Variants in CHODL observed in about 807,000 individuals in gnomAD.
CHODL encodes the protein chondrolectin.
Under a neutral mutation model 34.5 loss-of-function variants are expected in CHODL, and 29 were observed. The ratio of observed to expected loss-of-function variants is 0.84; its 90% confidence interval spans 0.63 to 1.15. CHODL has a LOEUF of 1.15. CHODL is among the 50% of genes most tolerant of loss of function. The pLI is 0.00. For synonymous variants in CHODL, 125 were observed against 116.1 expected (o/e 1.08, Z -0.49); for missense variants, 332 against 332.5 (o/e 1.00, Z 0.01).
At chr21:17,952,471 C>A (rs765583791) in intron 1 of CHODL, among the ~76,000 whole-genome samples, 1 of 151,552 alleles carries the variant, frequency 6.6e-6, no homozygotes, top group African/African-American at 2.4e-5. Context: ...AATTACTTAC[C>A]GTTAACCAAA....
chr21:18,125,287 A>G (rs1182186744), intron 2 of CHODL, among the ~76,000 whole-genome samples: 2 of 152,248 alleles, frequency 1.3e-5, no homozygotes, highest in South Asian at 4.1e-4. Flanking sequence ...TCACCCATTC[A>G]GTAAATATTT....
chr21:18,172,528 A>G (rs2073244532), intron 2 of CHODL, among the ~76,000 whole-genome samples: 1 of 152,036 alleles, frequency 6.6e-6, no homozygotes, highest in African/African-American at 2.4e-5. Flanking sequence ...ATTAATTCAC[A>G]TTGAAATACA....
intron 2 of CHODL, among the ~76,000 whole-genome samples, chr21:18,190,196 T>C (rs1315843363): frequency 6.6e-6 from 1 of 152,174 alleles, no homozygotes; most frequent in Admixed American, 6.5e-5. Flanking sequence ...CAATGATTTT[T>C]AAAAATATGT....
chr21:17,952,288 C>G (rs1440032008), intron 1 of CHODL, among the ~76,000 whole-genome samples: 2 of 150,204 alleles, frequency 1.3e-5, no homozygotes, highest in Non-Finnish European at 3.0e-5. Context: ...TTTTTAGGTA[C>G]TTCATGATCA....
In CHODL at chr21:18,197,605, A is replaced by G. The variant is rs114134479; in HGVS notation, c.-44-58904A>G. Among the ~76,000 whole-genome samples the G allele has an allele frequency of 4.1e-3, 618 of 152,234 alleles. 5 individuals carry two copies. The highest frequency in any genetic ancestry group is 0.013 in the African/African-American group (520 of 41,546). On this transcript the variant is annotated intron_variant, in intron 2 of 6. Transcript: ENST00000400127. ...CACTCAACCTGGGTGATAGAGCTAGACTCCATCTCAAAAAACCAAACAAAA... is the reference window on the plus strand; with the variant it reads ...CACTCAACCTGGGTGATAGAGCTAGGCTCCATCTCAAAAAACCAAACAAAA...
At chr21:18,214,721 G>A (rs2073806832) in intron 2 of CHODL, among the ~76,000 whole-genome samples, 1 of 152,078 alleles carries the variant, frequency 6.6e-6, no homozygotes, top group Non-Finnish European at 1.5e-5. Flanking sequence ...CACTCTTCTA[G>A]GTACTGTTAA....
At chr21:18,038,215 A>G (rs979856349) in intron 2 of CHODL, among the ~76,000 whole-genome samples, 2 of 151,756 alleles carry the variant, frequency 1.3e-5, no homozygotes, top group Non-Finnish European at 3.0e-5. Context: ...GAAATTTGAA[A>G]TGCTAAATTG....
At chr21:18,172,030 G>A (rs2073238801) in intron 2 of CHODL, among the ~76,000 whole-genome samples, 3 of 152,164 alleles carry the variant, frequency 2.0e-5, no homozygotes, top group African/African-American at 7.2e-5. Context: ...AGAAGATAGG[G>A]ACTTTCCATG....
intron 2 of CHODL, among the ~76,000 whole-genome samples, chr21:18,199,240 G>A (rs2824705): frequency 0.59 from 89,365 of 151,892 alleles, 28,280 homozygotes; most frequent in East Asian, 0.86. Context: ...ATAATCCACA[G>A]TAACTTTTAA....
At chr21:17,934,570 C>A (rs2063304325) in intron 1 of CHODL, among the ~76,000 whole-genome samples, 1 of 152,060 alleles carries the variant, frequency 6.6e-6, no homozygotes, top group Non-Finnish European at 1.5e-5. Context: ...TTTGTTTTCT[C>A]TCTGTGTCTT....
intron 2 of CHODL, among the ~76,000 whole-genome samples, chr21:18,072,888 A>G (rs897783701): frequency 2.6e-5 from 4 of 152,172 alleles, no homozygotes; most frequent in African/African-American, 9.6e-5. Flanking sequence ...AAACTATTTT[A>G]TATTAGAGTT....
intron 1 of CHODL, among the ~76,000 whole-genome samples, chr21:17,961,471 C>T (rs1045893500): frequency 7.9e-5 from 12 of 152,194 alleles, no homozygotes; most frequent in Admixed American, 7.9e-4. Flanking sequence ...TATTTAAAAT[C>T]TTTTCAGAGG....
chr21:18,262,614 T>A (rs1392065786), intron 4 of CHODL, among the ~76,000 whole-genome samples, 177 bp from the exon 5 acceptor site: 1 of 152,260 alleles, frequency 6.6e-6, no homozygotes, highest in Non-Finnish European at 1.5e-5. Flanking sequence ...GAAATGTCAC[T>A]ATGTGGTGCA....
chr21:18,009,366 T>C (rs1016681609), intron 1 of CHODL, among the ~76,000 whole-genome samples: 10 of 152,192 alleles, frequency 6.6e-5, no homozygotes, highest in African/African-American at 1.7e-4. Context: ...AAATACACTT[T>C]CTTTTCTGAA....
chr21:18,181,352 C>T (rs187877836), intron 2 of CHODL, among the ~76,000 whole-genome samples: 14 of 152,328 alleles, frequency 9.2e-5, no homozygotes, highest in Admixed American at 8.5e-4. Flanking sequence ...TAGAGCATTA[C>T]AGTGCATACA....
Position 18,232,942 on chromosome 21 carries a change from G to GATATATATATATAT in CHODL, c.-44-23550_-44-23537dup, listed in dbSNP as rs371388519. Among the ~76,000 whole-genome samples, 591 of 119,252 alleles carry GATATATATATATAT rather than the reference G, an allele frequency of 5.0e-3. 12 individuals are homozygous for GATATATATATATAT. The highest frequency in any genetic ancestry group is 0.019 in the African/African-American group (519 of 27,046). 78.2% of individuals were successfully genotyped at this position (119,252 alleles called of 152,430 possible). Reference sequence around the variant, plus strand: ...AATTATGGGGTCCACATGATGTTATGATATATATATATATATATATATATA... The same window carrying GATATATATATATAT: ...AATTATGGGGTCCACATGATGTTATGATATATATATATATATATATATATATATATATATATATA... On this transcript the variant is annotated intron_variant, in intron 2 of 6. Transcript: ENST00000400127.
At chr21:18,045,718 A>G (rs899039903) in intron 2 of CHODL, among the ~76,000 whole-genome samples, 1 of 151,930 alleles carries the variant, frequency 6.6e-6, no homozygotes, top group Admixed American at 6.6e-5. Context: ...AAGAGGTGTG[A>G]CCTTTGGGAG....
intron 2 of CHODL, among the ~76,000 whole-genome samples, chr21:18,224,991 A>G (rs2073918004): frequency 6.6e-6 from 1 of 152,074 alleles, no homozygotes; most frequent in Non-Finnish European, 1.5e-5. Flanking sequence ...GTAAATTTAT[A>G]GACTAGACAT....
intron 2 of CHODL, among the ~76,000 whole-genome samples, chr21:18,059,975 C>T (rs2064637502): frequency 6.6e-6 from 1 of 152,154 alleles, no homozygotes; most frequent in South Asian, 2.1e-4. Flanking sequence ...CATTATTCCA[C>T]TGACCCATTA....
Sources: allele counts gnomAD v4.1 joint callset (sites outside exome capture counted in the v4.1 genomes callset), GRCh38; gene constraint gnomAD v4.1.1; transcripts MANE v1.5; gene names NCBI Gene and HGNC (gene_info 2026-07-23, HGNC 2026-07-21).